Variants in WASF1 observed in about 807,000 individuals in gnomAD.
WASF1 encodes the protein actin-binding protein WASF1.
WASF1 carries 7 observed loss-of-function variants against 50.5 expected under a neutral mutation model. That is an observed-to-expected ratio of 0.14 (90% CI 0.08 to 0.26). The LOEUF is 0.26. Ranked by LOEUF, WASF1 falls within the 10% of genes least tolerant of loss-of-function variation. The pLI, the probability that WASF1 is intolerant of heterozygous loss-of-function variation, is 1.00. For synonymous variants in WASF1, 205 were observed against 244.0 expected (o/e 0.84, Z 1.49); for missense variants, 470 against 694.7 (o/e 0.68, Z 3.64).
At chr6:110,103,779 C>T (rs1206982591) in intron 8 of WASF1, among the ~76,000 whole-genome samples, 1 of 152,100 alleles carries the variant, frequency 6.6e-6, no homozygotes. Flanking sequence ...CTATGATGAC[C>T]ATCGGTTATT....
At chr6:110,149,813 A>G (rs1309814654) in intron 3 of WASF1, among the ~76,000 whole-genome samples, 2 of 152,160 alleles carry the variant, frequency 1.3e-5, no homozygotes, top group Non-Finnish European at 2.9e-5. Flanking sequence ...TCACCTGAGC[A>G]GTGTACACTG....
chr6:110,142,025 C>T (rs1297793837), intron 3 of WASF1, among the ~76,000 whole-genome samples: 2 of 152,192 alleles, frequency 1.3e-5, no homozygotes, highest in African/African-American at 2.4e-5. Flanking sequence ...CTCACACATA[C>T]ACTTTCTAAA....
chr6:110,173,797 C>T (rs952411909), intron 2 of WASF1, among the ~76,000 whole-genome samples: 6 of 152,162 alleles, frequency 3.9e-5, no homozygotes, highest in African/African-American at 1.2e-4. Context: ...TATCTCACAG[C>T]TTCAGCAACT....
chr6:110,128,323 A>G (rs1026055377), intron 3 of WASF1, among the ~76,000 whole-genome samples: 6 of 152,192 alleles, frequency 3.9e-5, no homozygotes, highest in African/African-American at 1.4e-4. Flanking sequence ...TTTATTTACT[A>G]TAATAGGGAT....
In WASF1 at chr6:110,100,789, T is replaced by C. The variant is rs1773047922; in HGVS notation, c.1523-110A>G. ...CACATGAGAAATACTTATAGGAAAATAAAAAGATCAGAAAAGAATGTGAAG... is the reference window on the plus strand; with the variant it reads ...CACATGAGAAATACTTATAGGAAAACAAAAAGATCAGAAAAGAATGTGAAG... On this transcript the variant is annotated intron_variant, in intron 10 of 10. Transcript: ENST00000392589. 2.5e-6 allele frequency: 3 copies of C among 1,188,508 alleles called. No homozygotes were observed. In the East Asian group the frequency reaches 8.5e-5, roughly 34 times the overall value. 73.6% of individuals were successfully genotyped at this position (1,188,508 alleles called of 1,614,324 possible).
intron 8 of WASF1, among the ~76,000 whole-genome samples, chr6:110,104,798 A>G (rs1773246254): frequency 6.6e-6 from 1 of 152,218 alleles, no homozygotes; most frequent in East Asian, 1.9e-4. Flanking sequence ...CAAAACAAAC[A>G]AACAAACGTA....
intron 3 of WASF1, among the ~76,000 whole-genome samples, chr6:110,151,685 A>T (rs1340761728): frequency 1.3e-5 from 2 of 152,200 alleles, no homozygotes; most frequent in Non-Finnish European, 2.9e-5. Flanking sequence ...GAGTGAACTT[A>T]AAAAACTTAC....
At chr6:110,141,644 G>T (rs1775241274) in intron 3 of WASF1, among the ~76,000 whole-genome samples, 1 of 152,012 alleles carries the variant, frequency 6.6e-6, no homozygotes, top group Admixed American at 6.6e-5. Flanking sequence ...GTATCTCCAA[G>T]ATCTAGAACA....
chr6:110,103,593 G>T, intron 8 of WASF1, 36 bp from the exon 9 acceptor site: 2 of 1,523,164 alleles, frequency 1.3e-6, no homozygotes, highest in South Asian at 1.3e-5. Context: ...AATTATTCTT[G>T]AATTATTGGG....
intron 7 of WASF1, among the ~76,000 whole-genome samples, chr6:110,106,579 C>T (rs1234578177): frequency 6.6e-6 from 1 of 152,152 alleles, no homozygotes; most frequent in Non-Finnish European, 1.5e-5. Context: ...TGGAAAATGA[C>T]AATAACAGAA....
chr6:110,165,491 T>G (rs1388614580), intron 2 of WASF1, among the ~76,000 whole-genome samples: 3 of 151,722 alleles, frequency 2.0e-5, no homozygotes, highest in African/African-American at 7.2e-5. Flanking sequence ...ATAAAAGAGT[T>G]CTAGCAACAT....
At chr6:110,107,893 G>A (rs550108281) in intron 6 of WASF1, among the ~76,000 whole-genome samples, 4 of 152,036 alleles carry the variant, frequency 2.6e-5, no homozygotes, top group Admixed American at 6.6e-5. Flanking sequence ...CAGGCCGGGC[G>A]CAGTGGCTCA....
chr6:110,173,885 G>T (rs1776816948), intron 2 of WASF1, among the ~76,000 whole-genome samples: 1 of 152,124 alleles, frequency 6.6e-6, no homozygotes, highest in South Asian at 2.1e-4. Flanking sequence ...TAGTAAAAAA[G>T]TGTCTAAAAC....
chr6:110,117,128 G>A (rs1773850233), intron 4 of WASF1, among the ~76,000 whole-genome samples: 1 of 152,038 alleles, frequency 6.6e-6, no homozygotes, highest in African/African-American at 2.4e-5. Flanking sequence ...GCAGCTCCTT[G>A]CCAGCAAGGG....
chr6:110,129,359 A>G (rs1372871679), intron 3 of WASF1, among the ~76,000 whole-genome samples: 2 of 152,220 alleles, frequency 1.3e-5, no homozygotes, highest in Non-Finnish European at 2.9e-5. Flanking sequence ...AATCCAACAT[A>G]AGTGGAGTAA....
At chr6:110,170,709 C>A (rs1465599004) in intron 2 of WASF1, among the ~76,000 whole-genome samples, 2 of 150,898 alleles carry the variant, frequency 1.3e-5, no homozygotes, top group Admixed American at 1.3e-4. Flanking sequence ...ATACAAGAAA[C>A]CCACTTTAAA....
intron 3 of WASF1, among the ~76,000 whole-genome samples, chr6:110,128,624 A>G (rs924395719): frequency 3.3e-5 from 5 of 152,250 alleles, no homozygotes; most frequent in African/African-American, 1.2e-4. Flanking sequence ...AACACTGCCC[A>G]ACACCATGAT....
At chr6:110,136,911 G>T (rs1345209924) in intron 3 of WASF1, among the ~76,000 whole-genome samples, 1 of 152,030 alleles carries the variant, frequency 6.6e-6, no homozygotes, top group African/African-American at 2.4e-5. Context: ...AATGAGATGT[G>T]GTCCTCCTGT....
chr6:110,112,444 T>C (rs1773598812), intron 5 of WASF1, among the ~76,000 whole-genome samples: 2 of 152,192 alleles, frequency 1.3e-5, no homozygotes. Context: ...TTTCTACAAT[T>C]ATTTTAGCCT....
Sources: allele counts gnomAD v4.1 joint callset (sites outside exome capture counted in the v4.1 genomes callset), GRCh38; gene constraint gnomAD v4.1.1; transcripts MANE v1.5; gene names NCBI Gene and HGNC (gene_info 2026-07-23, HGNC 2026-07-21).